The following ROR1 variants were observed in gnomAD, a reference collection of about 807,000 sequenced individuals.
ROR1 encodes inactive tyrosine-protein kinase transmembrane receptor ROR1.
A neutral mutation model predicts 78.8 loss-of-function variants in ROR1; 19 were observed. The ratio of observed to expected loss-of-function variants is 0.24; its 90% CI spans 0.17 to 0.35. The LOEUF (loss-of-function observed/expected upper bound fraction) is 0.35. ROR1 is among the 10% of genes least tolerant of loss of function. The pLI is 1.00. For missense variants in ROR1, 917 were observed against 1,177.8 expected (o/e 0.78, Z 3.24); for synonymous variants, 386 against 433.6 (o/e 0.89, Z 1.36).
rs137874089 is a variant in ROR1, at chr1:64,177,680, C to A, written c.1639C>A (p.Pro547Thr). ...TCTAGGTGCCGTCACTCAGGAACAA[C>A]CTGTGTGCATGCTTTTTGAGTATAT... ...CLLGAVTQEQ[P>T]VCMLFEYINQ... The change falls in exon 9 of 9, where the codon CCT becomes ACT. Residue 547 changes from proline to threonine, a missense_variant. Physicochemically the swap from Pro to Thr is conservative, Grantham distance 38. Transcript: ENST00000371079. 1.2e-6 allele frequency: 2 copies of A among 1,614,202 alleles called. No individual in the cohort carries two copies. The highest frequency in any genetic ancestry group is 1.3e-5 in the African/African-American group (1 of 75,038).
intron 1 of ROR1, among the ~76,000 whole-genome samples, chr1:63,799,133 G>T (rs1321241562): frequency 6.6e-6 from 1 of 152,064 alleles, no homozygotes; most frequent in Non-Finnish European, 1.5e-5. Flanking sequence ...TACCTTAAAA[G>T]GCTGCTAGGA....
intron 1 of ROR1, among the ~76,000 whole-genome samples, chr1:63,956,466 G>A (rs1306833904): frequency 6.6e-5 from 10 of 152,200 alleles, no homozygotes; most frequent in Non-Finnish European, 1.0e-4. Context: ...GTGAGTTAAC[G>A]CAGGTGAAGG....
intron 4 of ROR1, among the ~76,000 whole-genome samples, chr1:64,131,302 TC>T (rs545634514): frequency 6.6e-6 from 1 of 152,232 alleles, no homozygotes; most frequent in African/African-American, 2.4e-5. Flanking sequence ...CTGCTCTCTG[TC>T]CCTATGAGGC....
chr1:64,014,523 C>G (rs1445932683), intron 2 of ROR1, among the ~76,000 whole-genome samples: 2 of 150,102 alleles, frequency 1.3e-5, no homozygotes, highest in Non-Finnish European at 3.0e-5. Flanking sequence ...TGATAAGGGC[C>G]TATTTCCCCT....
rs1644680328 is a variant in ROR1 at position 63,785,709 on chromosome 1, A to G, written c.91+11201A>G. 1.3e-5 allele frequency among the ~76,000 whole-genome samples: 2 copies of G among 151,512 alleles called. 1 individual carries two copies. The highest frequency in any genetic ancestry group is 4.2e-4 in the South Asian group (2 of 4,794). ...CCCGGCTAATTTTTGTATTTTTAGTAGAGACAGGGTTTCACCATGTTGGCC... is the reference window on the plus strand; with the variant it reads ...CCCGGCTAATTTTTGTATTTTTAGTGGAGACAGGGTTTCACCATGTTGGCC... On this transcript the variant is annotated intron_variant, in intron 1 of 8. Transcript: ENST00000371079.
chr1:64,110,049 G>T (rs1648023380), intron 4 of ROR1, among the ~76,000 whole-genome samples: 1 of 152,116 alleles, frequency 6.6e-6, no homozygotes, highest in Admixed American at 6.6e-5. Flanking sequence ...CAGTCTCCCT[G>T]TCTTTGTCCA....
At chr1:64,109,764 A>G (rs996618357) in intron 4 of ROR1, among the ~76,000 whole-genome samples, 2 of 152,076 alleles carry the variant, frequency 1.3e-5, no homozygotes, top group African/African-American at 4.8e-5. Flanking sequence ...TCGTGGGCTC[A>G]AGCAGTCCTC....
intron 4 of ROR1, among the ~76,000 whole-genome samples, chr1:64,099,053 C>G (rs1647415005): frequency 6.6e-6 from 1 of 152,084 alleles, no homozygotes; most frequent in South Asian, 2.1e-4. Flanking sequence ...GGAAGTGAAG[C>G]AGAGATTGTG....
intron 4 of ROR1, among the ~76,000 whole-genome samples, chr1:64,084,286 T>G (rs1647132017): frequency 1.3e-5 from 2 of 152,184 alleles, no homozygotes; most frequent in South Asian, 4.1e-4. Context: ...GAAGCAAACG[T>G]TCTGGATACT....
intron 7 of ROR1, among the ~76,000 whole-genome samples, chr1:64,151,590 G>A (rs1264752051): frequency 6.6e-6 from 1 of 151,978 alleles, no homozygotes; most frequent in Admixed American, 6.6e-5. Flanking sequence ...AGAAAGAAAT[G>A]GGCTGGGCTC....
At chr1:63,906,741 C>T (rs140422563) in intron 1 of ROR1, among the ~76,000 whole-genome samples, 1 of 152,342 alleles carries the variant, frequency 6.6e-6, no homozygotes, top group East Asian at 1.9e-4. Flanking sequence ...TTTTACAGAA[C>T]ATATGTGCTT....
At chr1:64,075,156 C>A (rs1647038726) in intron 4 of ROR1, among the ~76,000 whole-genome samples, 1 of 152,124 alleles carries the variant, frequency 6.6e-6, no homozygotes, top group South Asian at 2.1e-4. Context: ...CCAATGAGAG[C>A]TGAATACATA....
intron 1 of ROR1, among the ~76,000 whole-genome samples, chr1:63,934,089 G>A (rs1463989504): frequency 6.6e-6 from 1 of 152,160 alleles, no homozygotes; most frequent in Non-Finnish European, 1.5e-5. Context: ...GTATGTCAGG[G>A]AGAGCAATAA....
chr1:63,786,472 C>A (rs955871932), intron 1 of ROR1, among the ~76,000 whole-genome samples: 3 of 151,280 alleles, frequency 2.0e-5, no homozygotes, highest in Non-Finnish European at 2.9e-5. Flanking sequence ...CGGGGTTTCA[C>A]CGTGTTAGCC....
intron 1 of ROR1, among the ~76,000 whole-genome samples, chr1:63,780,345 T>C (rs946828397): frequency 1.3e-5 from 2 of 152,190 alleles, no homozygotes; most frequent in African/African-American, 2.4e-5. Flanking sequence ...GGGGTTTGAA[T>C]TGGGGCTTTG....
chr1:64,096,599 A>G (rs1392424802), intron 4 of ROR1, among the ~76,000 whole-genome samples: 2 of 152,142 alleles, frequency 1.3e-5, no homozygotes, highest in African/African-American at 2.4e-5. Flanking sequence ...ATTGTATTCC[A>G]TGGAGTATAT....
intron 4 of ROR1, among the ~76,000 whole-genome samples, chr1:64,134,129 G>A (rs1034889477): frequency 3.3e-5 from 5 of 152,110 alleles, no homozygotes. Flanking sequence ...TACTTGCTGC[G>A]TAACTTTGGA....
chr1:64,155,923 C>A (rs1195951230), intron 7 of ROR1, among the ~76,000 whole-genome samples: 1 of 152,120 alleles, frequency 6.6e-6, no homozygotes. Flanking sequence ...ATCCAAGGTT[C>A]TTTCATGAAC....
rs547947812 is a variant in ROR1 at position 64,141,630 on chromosome 1, A to G, written c.929-775A>G. ...CCCTACCCCATCAGCAGCACCACGC[A>G]AAAGACTATTTCAGTGTACATTTCC... is the stretch of plus-strand genomic sequence containing the variant. On this transcript the variant is annotated intron_variant, in intron 6 of 8. Transcript: ENST00000371079. 3.3e-4 allele frequency among the ~76,000 whole-genome samples: 50 copies of G among 152,294 alleles called. No individual in the cohort carries two copies. The Middle Eastern group carries it at 0.01, about 31-fold the overall frequency.
Sources: allele counts gnomAD v4.1 joint callset (sites outside exome capture counted in the v4.1 genomes callset), GRCh38; gene constraint gnomAD v4.1.1; transcripts MANE v1.5; gene names NCBI Gene and HGNC (gene_info 2026-07-23, HGNC 2026-07-21).